The following SYBU variants were observed in gnomAD, a reference collection of about 807,000 sequenced individuals.
SYBU encodes the protein GOLSYN A protein.
A neutral mutation model predicts 35.9 loss-of-function variants in SYBU; 21 were observed. The ratio of observed to expected loss-of-function variants is 0.58; its 90% confidence interval spans 0.41 to 0.84. SYBU has a LOEUF of 0.84. Ranked by LOEUF, SYBU falls within the 40% of genes least tolerant of loss-of-function variation. The probability of loss-of-function intolerance (pLI) is 0.00; values close to 1 mark genes in which losing one functional copy is unlikely to be tolerated. For synonymous variants in SYBU, 319 were observed against 324.3 expected, an observed-to-expected ratio of 0.98 and a Z score of 0.18; for missense variants, 768 against 848.2, an observed-to-expected ratio of 0.91 and a Z score of 1.17.
Position 109,575,196 on chromosome 8 carries a change from C to T in SYBU, c.1702G>A (p.Val568Ile), listed in dbSNP as rs1822087238. 8.7e-6 allele frequency: 14 copies of T among 1,614,116 alleles called. No individual in the cohort carries two copies. Among genetic ancestry groups the T allele is most frequent in the Non-Finnish European group, 1.2e-5 (14 of 1,180,054 alleles). ...TCTCTCATGAGGCGGTTTGCATGAA[C>T]TTCTGCATCCACATTGGCGTAGGGG... ...ETPYANVDAE[V>I]HANRLMRELD... Residue 568 changes from valine (V) to isoleucine (I), a missense_variant, in exon 7 of 7, where the codon GTT (valine) becomes ATT (isoleucine). Physicochemically the swap from Val to Ile is conservative, Grantham distance 29. Coordinates refer to ENST00000276646, the MANE Select transcript of SYBU (RefSeq NM_001099754.2).
At chr8:109,616,204 G>C (rs2844249) in intron 3 of SYBU, among the ~76,000 whole-genome samples, 45,699 of 150,632 alleles carry the variant, frequency 0.3, 7,783 homozygotes, top group African/African-American at 0.45. Flanking sequence ...TAGAGACGGG[G>C]TTTCACCATG....
At position 109,615,997 on chromosome 8, in the gene SYBU, C is replaced by CTTTCTTTTTT. The variant is rs1268400259; in HGVS notation, c.427+2844_427+2845insAAAAAAGAAA. Reference sequence around the variant, plus strand: ...TATTCCCTGTAATTTCTTTTCTTTTCTTTTCTTTCTTTTTTTTTTTTTTTT... The same window carrying CTTTCTTTTTT: ...TATTCCCTGTAATTTCTTTTCTTTTCTTTCTTTTTTTTTTCTTTCTTTTTTTTTTTTTTTT... On this transcript the variant is annotated intron_variant, in intron 3 of 6. Coordinates refer to ENST00000276646, the MANE Select transcript of SYBU (RefSeq NM_001099754.2). Among the ~76,000 whole-genome samples, 752 of 95,552 alleles carry CTTTCTTTTTT rather than the reference C, an allele frequency of 7.9e-3. 41 individuals carry two copies. Among genetic ancestry groups the CTTTCTTTTTT allele is most frequent in the Middle Eastern group, 0.011 (2 of 190 alleles). The allele number at this position is 95,552 out of a possible 152,430, so 62.7% of individuals were successfully genotyped here. A position where few individuals can be genotyped will look rare whatever the true frequency, so the allele number is the denominator to read the frequency against.
intron 1 of SYBU, among the ~76,000 whole-genome samples, chr8:109,665,612 GA>G (rs753146902): frequency 6.6e-6 from 1 of 152,152 alleles, no homozygotes; most frequent in Non-Finnish European, 1.5e-5. Context: ...TAATTTAAAT[GA>G]ATGACCATGA....
At chr8:109,616,075 G>C (rs1314886155) in intron 3 of SYBU, among the ~76,000 whole-genome samples, 1 of 128,366 alleles carries the variant, frequency 7.8e-6, no homozygotes. Context: ...GCAGTGGCAT[G>C]ATCTCGGCTC....
At chr8:109,668,039 G>A (rs1816819663) in intron 1 of SYBU, among the ~76,000 whole-genome samples, 1 of 151,144 alleles carries the variant, frequency 6.6e-6, no homozygotes, top group Non-Finnish European at 1.5e-5. Context: ...GGACTTTTTG[G>A]CAAAAAAGTA....
chr8:109,652,003 T>TCATC (rs1395432979), intron 1 of SYBU, among the ~76,000 whole-genome samples: 7 of 152,200 alleles, frequency 4.6e-5, no homozygotes, highest in Non-Finnish European at 8.8e-5. Flanking sequence ...ATTCATTCAT[T>TCATC]CATCCATCCA....
chr8:109,689,197 G>T (rs3935693), intron 1 of SYBU, among the ~76,000 whole-genome samples: 13,468 of 152,182 alleles, frequency 0.088, 675 homozygotes, highest in East Asian at 0.12. Context: ...AGTACAGAGA[G>T]ATCCCATGTA....
chr8:109,678,925 G>C (rs980773588), intron 1 of SYBU, among the ~76,000 whole-genome samples: 1 of 152,112 alleles, frequency 6.6e-6, no homozygotes, highest in African/African-American at 2.4e-5. Context: ...GTAAAATAAG[G>C]CTGAGACCTA....
In SYBU at chr8:109,575,735, A is replaced by G. The variant is rs752565187; in HGVS notation, c.1163T>C (p.Leu388Pro). 25 of 1,614,082 alleles carry G rather than the reference A, an allele frequency of 1.5e-5. No individual in the cohort carries two copies. Among genetic ancestry groups the G allele is most frequent in the African/African-American group, 4.0e-5 (3 of 74,930 alleles). ...GGAATCACATGGAAAGTCTAGGCAC[A>G]GTTCGTCCCTCAGAGAGCCACTGTG... ...MAHSGSLRDELCLDFPCDSPE... is the reference protein window; with the variant it reads ...MAHSGSLRDEPCLDFPCDSPE... Residue 388 changes from leucine (L) to proline (P), a missense_variant, in exon 7 of 7, where the codon CTG becomes CCG. Leu to Pro is a moderately conservative substitution (Grantham distance 98, BLOSUM62 -3). Coordinates refer to ENST00000276646, the MANE Select transcript of SYBU (RefSeq NM_001099754.2).
intron 1 of SYBU, among the ~76,000 whole-genome samples, chr8:109,690,005 T>C (rs1219423325): frequency 6.6e-6 from 1 of 152,142 alleles, no homozygotes; most frequent in Non-Finnish European, 1.5e-5. Flanking sequence ...TATGAATGCA[T>C]ACAATTACTT....
intron 3 of SYBU, among the ~76,000 whole-genome samples, chr8:109,609,450 CA>C (rs1003157128): frequency 1.3e-5 from 2 of 152,282 alleles, no homozygotes; most frequent in East Asian, 3.9e-4. Context: ...GTAGCAATCA[CA>C]AAAACCTATA....
At chr8:109,645,445 A>C, upstream of SYBU, 1 of 412,336 alleles carries the variant, frequency 2.4e-6, no homozygotes, top group Non-Finnish European at 4.9e-6. Flanking sequence ...GCTGCTATGT[A>C]GCCAGAGAAC....
intron 1 of SYBU, among the ~76,000 whole-genome samples, chr8:109,668,288 A>G (rs1816841749): frequency 1.3e-5 from 2 of 151,082 alleles, no homozygotes; most frequent in African/African-American, 4.9e-5. Flanking sequence ...CTTGGTTCTC[A>G]CATCTTACTG....
chr8:109,603,843 G>C (rs1181614052), intron 3 of SYBU, among the ~76,000 whole-genome samples: 2 of 152,144 alleles, frequency 1.3e-5, no homozygotes, highest in African/African-American at 4.8e-5. Flanking sequence ...GTTACCCCTG[G>C]GGTAGTCAGA....
Position 109,644,752 on chromosome 8 carries a change from G to C in SYBU, c.-93C>G. On this transcript the variant is annotated 5_prime_UTR_variant, in exon 1 of 7. Transcript: ENST00000276646. ...GGAGCGAGGAGACTGCGCTGAGCCG[G>C]CGCGGGCTGCGGGCGGCGGCTCTTG... The C allele has an allele frequency of 8.1e-7, 1 of 1,231,176 alleles. No individual in the cohort carries two copies. Among genetic ancestry groups the C allele is most frequent in the Non-Finnish European group, 1.0e-6 (1 of 956,676 alleles). The allele number at this position is 1,231,176 out of a possible 1,614,324, so 76.3% of individuals were successfully genotyped here. A position where few individuals can be genotyped will look rare whatever the true frequency, so the allele number is the denominator to read the frequency against.
intron 3 of SYBU, among the ~76,000 whole-genome samples, chr8:109,590,974 GAGTT>G (rs1290296022): frequency 2.0e-5 from 3 of 152,308 alleles, no homozygotes; most frequent in African/African-American, 7.2e-5. Flanking sequence ...TGTGAAAACA[GAGTT>G]AGTAAGAGTG....
chr8:109,620,482 T>G (rs1812291462), intron 2 of SYBU, among the ~76,000 whole-genome samples: 1 of 152,180 alleles, frequency 6.6e-6, no homozygotes, highest in South Asian at 2.1e-4. Flanking sequence ...ATTGCTTCAT[T>G]TTTTGGCCTT....
rs1337552515 is a variant in SYBU, at chr8:109,574,590, G to C, written c.*316C>G. On this transcript the variant is annotated 3_prime_UTR_variant, in exon 7 of 7. Transcript: ENST00000276646. ...GAGATAACATGCCAGCCTTAGAGAA[G>C]CTGTCTTGAAAGTGCAAACTGCGTT... 4 of 260,590 alleles carry C rather than the reference G, an allele frequency of 1.5e-5. No individual in the cohort carries two copies. Among genetic ancestry groups the C allele is most frequent in the Non-Finnish European group, 2.9e-5 (4 of 138,310 alleles). The allele number at this position is 260,590 out of a possible 1,614,324, so 16.1% of individuals were successfully genotyped here.
In SYBU at chr8:109,579,808, G is replaced by T. The variant is rs746736070; in HGVS notation, c.725C>A (p.Pro242His). 6.2e-7 allele frequency: 1 copy of T among 1,613,934 alleles called. No individual in the cohort carries two copies. The highest frequency in any genetic ancestry group is 8.5e-7 in the Non-Finnish European group (1 of 1,179,904). ...GGTGAGCAGGACTCACCTCATGATG[G>T]GGCTACAGTCGCTTCCTTTGTAGGA... ...SGSYKGSDCS[P>H]IMRRSGRYMS... Residue 242 changes from proline (P) to histidine (H), a missense_variant, in exon 5 of 7, where the codon CCC (proline) becomes CAC (histidine). Transcript: ENST00000276646.
Sources: allele counts gnomAD v4.1 joint callset (sites outside exome capture counted in the v4.1 genomes callset), GRCh38; gene constraint gnomAD v4.1.1; transcripts MANE v1.5; gene names NCBI Gene and HGNC (gene_info 2026-07-23, HGNC 2026-07-21).